The following SUN5 variants were observed in gnomAD, a reference collection of about 807,000 sequenced individuals.
SUN5 encodes Sad1 and UNC84 domain containing 5, also known as SUN domain-containing protein 5.
In SUN5, 44 loss-of-function variants were observed where a neutral mutation model predicts 53.7. The observed-to-expected ratio is 0.82, with a 90% CI of 0.64 to 1.05. The LOEUF is 1.05. Among genes scored for constraint, SUN5 ranks in the 50% least tolerant of loss-of-function variants. The pLI is 0.00. For missense variants in SUN5, 433 were observed against 483.8 expected (o/e 0.90, Z 0.98); for synonymous variants, 166 against 179.8 (o/e 0.92, Z 0.62).
rs923982789 is a variant in SUN5, at chr20:33,002,527, G to C, written c.211+60C>G. 1.1e-5 allele frequency: 17 copies of C among 1,577,438 alleles called. No individual in the cohort carries two copies. In the Admixed American group the frequency reaches 2.7e-4, roughly 25 times the overall value. On this transcript the variant is annotated intron_variant, in intron 3 of 12. Coordinates refer to ENST00000356173, the MANE Select transcript of SUN5 (RefSeq NM_080675.4). ...CACCCCCAGGTCAGCCTGGGCCGAG[G>C]CTGGACCCTCTCCCCAGACCCATAT...
intron 3 of SUN5, among the ~76,000 whole-genome samples, chr20:33,002,257 G>A (rs924035310): frequency 6.6e-6 from 1 of 152,188 alleles, no homozygotes; most frequent in Non-Finnish European, 1.5e-5. Context: ...CTGGGTGGAT[G>A]TACCTATGAA....
chr20:33,002,505 C>G, intron 3 of SUN5, 82 bp downstream of exon 3: 2 of 1,426,720 alleles, frequency 1.4e-6, no homozygotes, highest in Non-Finnish European at 2.0e-6. Context: ...GCATTGCCAC[C>G]CCCAGGTCAG....
In SUN5 at chr20:33,002,638, G is replaced by A. The variant is rs577770806; in HGVS notation, c.160C>T (p.Arg54Cys). Residue 54 changes from arginine (R) to cysteine (C), a missense_variant, in exon 3 of 13, where the codon CGC (arginine) becomes TGC (cysteine). Transcript: ENST00000356173. Reference sequence around the variant, plus strand: ...AGGCCTAGGGCTTGGTCATTGTTGCGGACAGGCAACAGGATGTTGTCATCT... The same window carrying A: ...AGGCCTAGGGCTTGGTCATTGTTGCAGACAGGCAACAGGATGTTGTCATCT... ...NMNDNILLPVRNNDQALGLTQ... is the reference protein window; with the variant it reads ...NMNDNILLPVCNNDQALGLTQ... 1.9e-5 allele frequency: 30 copies of A among 1,614,190 alleles called. No homozygotes were observed. Among genetic ancestry groups the A allele is most frequent in the East Asian group, 4.5e-5 (2 of 44,882 alleles).
At chr20:32,998,061 A>G (rs4911114) in intron 5 of SUN5, among the ~76,000 whole-genome samples, 52,194 of 151,012 alleles carry the variant, frequency 0.35, 9,668 homozygotes, top group East Asian at 0.79. Context: ...AGTCTTGGCC[A>G]GGTGTGGTGG....
intron 7 of SUN5, 40 bp downstream of exon 7, chr20:32,996,284 T>C: frequency 6.2e-7 from 1 of 1,607,508 alleles, no homozygotes; most frequent in Middle Eastern, 1.7e-4. Flanking sequence ...TAGCTCTGCT[T>C]TTTAGGTAAT....
At chr20:32,986,836 C>T (rs933622949) in intron 10 of SUN5, among the ~76,000 whole-genome samples, 12 of 152,202 alleles carry the variant, frequency 7.9e-5, no homozygotes, top group Non-Finnish European at 1.3e-4. Flanking sequence ...GTGTGCACCA[C>T]CCCCCACTCC....
chr20:33,001,530 C>CTTTCTTTCT (rs1555876505), intron 3 of SUN5, among the ~76,000 whole-genome samples: 1 of 128,192 alleles, frequency 7.8e-6, no homozygotes, highest in African/African-American at 3.7e-5. Context: ...TTCTTTCTTT[C>CTTTCTTTCT]TTTCTTTCTT....
intron 8 of SUN5, among the ~76,000 whole-genome samples, chr20:32,992,640 G>A (rs1438097319): frequency 1.3e-5 from 2 of 152,170 alleles, no homozygotes; most frequent in Non-Finnish European, 2.9e-5. Context: ...CATCACCATT[G>A]AGAGTGAAAA....
At chr20:33,000,036 TA>T (rs769906654) in intron 5 of SUN5, 37 bp downstream of exon 5, 39 of 1,596,866 alleles carry the variant, frequency 2.4e-5, no homozygotes, top group Non-Finnish European at 3.2e-5. Context: ...GGCCCAGGGA[TA>T]CCTCCACCTG....
rs2146339399 is a variant in SUN5, at chr20:33,001,263, A to G, written c.227T>C (p.Phe76Ser). The change falls in exon 4 of 13, where the codon TTT (phenylalanine) becomes TCT (serine). Residue 76 changes from phenylalanine to serine, a missense_variant. By Grantham distance (155) the Phe-to-Ser change is radical. Transcript: ENST00000356173. ...GGCCTGAGTTCTCAGGGAGCAGGCA[A>G]AACAGGTGAACCAGGCTGCACGGGA... ...MLGCVSWFTCFACSLRTQAQQ... is the reference protein window; with the variant it reads ...MLGCVSWFTCSACSLRTQAQQ... 1 of 1,576,360 alleles carries G rather than the reference A, an allele frequency of 6.3e-7. No individual in the cohort carries two copies. Among genetic ancestry groups the G allele is most frequent in the African/African-American group, 1.3e-5 (1 of 74,332 alleles).
At chr20:32,997,600 C>A in intron 6 of SUN5, 38 bp downstream of exon 6, 1 of 1,611,588 alleles carries the variant, frequency 6.2e-7, no homozygotes, top group Non-Finnish European at 8.5e-7. Context: ...TAGGGTGAGA[C>A]CTGTCAGCTG....
Position 32,985,787 on chromosome 20 carries a change from G to C in SUN5, c.846C>G (p.Thr282=), listed in dbSNP as rs1231360785. 6.2e-7 allele frequency: 1 copy of C among 1,614,016 alleles called. No individual in the cohort carries two copies. Among genetic ancestry groups the C allele is most frequent in the African/African-American group, 1.3e-5 (1 of 74,916 alleles). Residue 282 remains threonine (T), a synonymous_variant, in exon 11 of 13, where the codon ACC becomes ACG. Coordinates refer to ENST00000356173, the MANE Select transcript of SUN5 (RefSeq NM_080675.4). ...SNLTLQHIPK[T]ISLSGSLDTA... is the part of the protein sequence containing the mutation. ...TGTCCAGGCTGCCTGACAATGAGAT[G>C]GTCTTGGGGATGTGCTGCAGCGTGA...
In SUN5 at chr20:32,993,715, T is replaced by G. The variant is rs1387795170; in HGVS notation, c.534+1904A>C. 4.6e-5 allele frequency among the ~76,000 whole-genome samples: 7 copies of G among 152,170 alleles called. No homozygotes were observed. The East Asian group carries it at 1.3e-3, about 29-fold the overall frequency. On this transcript the variant is annotated intron_variant, in intron 8 of 12. Transcript: ENST00000356173. ...GCCTTAGAACAGTGATTCTCTCTGG[T>G]ATATGTCAGAACCACCTGGAAGGCT...
chr20:32,985,934 C>A (rs772144900), intron 10 of SUN5, 31 bp from the exon 11 acceptor site: 2 of 1,602,206 alleles, frequency 1.2e-6, no homozygotes, highest in South Asian at 2.3e-5. Context: ...AAGGGATATG[C>A]TGGGTGGGTA....
intron 10 of SUN5, 33 bp from the exon 11 acceptor site, chr20:32,985,936 G>A (rs370697876): frequency 2.1e-5 from 33 of 1,596,734 alleles, no homozygotes; most frequent in Middle Eastern, 1.7e-4. Context: ...GGGATATGCT[G>A]GGTGGGTAGG....
chr20:33,003,874 G>A (rs1990119092), intron 1 of SUN5, among the ~76,000 whole-genome samples: 1 of 152,198 alleles, frequency 6.6e-6, no homozygotes, highest in African/African-American at 2.4e-5. Context: ...ATCATTTTAA[G>A]TTGGAATTTC....
chr20:32,997,626 G>A lies in SUN5; in HGVS notation c.390+12C>T, dbSNP rs41312288. Reference sequence around the variant, plus strand: ...CTGTCAGCTGTGGGGCCTGAGGAGGGTGCACACTCACCTGCCAGACTTTCA... The same window carrying A: ...CTGTCAGCTGTGGGGCCTGAGGAGGATGCACACTCACCTGCCAGACTTTCA... On this transcript the variant is annotated intron_variant, in intron 6 of 12. Coordinates refer to ENST00000356173, the MANE Select transcript of SUN5 (RefSeq NM_080675.4). 25 of 1,613,492 alleles carry A rather than the reference G, an allele frequency of 1.5e-5. No homozygotes were observed. The highest frequency in any genetic ancestry group is 2.0e-5 in the Non-Finnish European group (24 of 1,179,830).
intron 8 of SUN5, among the ~76,000 whole-genome samples, chr20:32,994,703 A>G (rs912126892): frequency 2.6e-5 from 4 of 152,170 alleles, no homozygotes; most frequent in Admixed American, 1.3e-4. Flanking sequence ...GTTCAAGACC[A>G]GCCAAGTCGA....
At position 32,987,751 on chromosome 20, in the gene SUN5, G is replaced by C; in HGVS notation, c.638C>G (p.Thr213Arg). The change falls in exon 10 of 13, where the codon ACG (threonine) becomes AGG (arginine). Residue 213 changes from threonine (T) to arginine (R), a missense_variant. Transcript: ENST00000356173. ...SIGASIDFEHTSVTYNHEKAH... is the reference protein window; with the variant it reads ...SIGASIDFEHRSVTYNHEKAH... ...CTTCTCATGGTTATAGGTGACTGACGTGTGCTCAAAGTCAATGCTGGCCCC... is the reference window on the plus strand; with the variant it reads ...CTTCTCATGGTTATAGGTGACTGACCTGTGCTCAAAGTCAATGCTGGCCCC... The C allele has an allele frequency of 6.2e-7, 1 of 1,613,156 alleles. No homozygotes were observed. Among genetic ancestry groups the C allele is most frequent in the Non-Finnish European group, 8.5e-7 (1 of 1,179,730 alleles).
Sources: allele counts gnomAD v4.1 joint callset (sites outside exome capture counted in the v4.1 genomes callset), GRCh38; gene constraint gnomAD v4.1.1; transcripts MANE v1.5; gene names NCBI Gene and HGNC (gene_info 2026-07-23, HGNC 2026-07-21).